SEMA5A: variants seen among roughly 807,000 people sequenced by gnomAD.
SEMA5A encodes the protein semaphorin-5A.
Under a neutral mutation model 135.5 loss-of-function variants are expected in SEMA5A, and 55 were observed. The ratio of observed to expected loss-of-function variants is 0.41; its 90% CI spans 0.33 to 0.51. The LOEUF (loss-of-function observed/expected upper bound fraction) is 0.51, where lower values mean the gene tolerates loss of function less well. SEMA5A is among the 20% of genes least tolerant of loss of function. SEMA5A has a pLI of 0.37. For missense variants in SEMA5A, 1,290 were observed against 1,419.9 expected (o/e 0.91, Z 1.47); for synonymous variants, 580 against 546.5 (o/e 1.06, Z -0.85).
Position 9,042,315 on chromosome 5 carries a change from T to C in SEMA5A, c.*582A>G, listed in dbSNP as rs1210274367. 1 of 153,856 alleles carries C rather than the reference T, an allele frequency of 6.5e-6. No homozygotes were observed. 9.5% of individuals were successfully genotyped at this position (153,856 alleles called of 1,614,324 possible). On this transcript the variant is annotated 3_prime_UTR_variant, in exon 23 of 23. Coordinates refer to ENST00000382496, the MANE Select transcript of SEMA5A (RefSeq NM_003966.3). ...CAGTCTACTGTAACTTCTGCCGGTG[T>C]GGACCAGGTGGAATTCCTGGGCTTC...
intron 1 of SEMA5A, among the ~76,000 whole-genome samples, chr5:9,465,813 T>C (rs1319678116): frequency 6.6e-6 from 1 of 152,170 alleles, no homozygotes; most frequent in East Asian, 1.9e-4. Context: ...GTTATTTCAT[T>C]ACTTTTTACT....
intron 16 of SEMA5A, among the ~76,000 whole-genome samples, chr5:9,080,809 T>C (rs1215208574): frequency 6.6e-6 from 1 of 152,162 alleles, no homozygotes; most frequent in Non-Finnish European, 1.5e-5. Context: ...AACGCAGCTC[T>C]GATCTGAGGG....
At chr5:9,108,428 G>T in intron 15 of SEMA5A, 141 bp from the exon 16 acceptor site, 1 of 894,670 alleles carries the variant, frequency 1.1e-6, no homozygotes, top group Non-Finnish European at 1.7e-6. Flanking sequence ...TTGAGCAGTT[G>T]CACCATACAG....
chr5:9,104,398 A>T (rs1260392120), intron 16 of SEMA5A, among the ~76,000 whole-genome samples: 2 of 152,206 alleles, frequency 1.3e-5, no homozygotes, highest in African/African-American at 4.8e-5. Flanking sequence ...GTTATAACTT[A>T]ATTTCAATAT....
At chr5:9,388,871 C>G (rs955207063) in intron 2 of SEMA5A, among the ~76,000 whole-genome samples, 1 of 148,898 alleles carries the variant, frequency 6.7e-6, no homozygotes, top group Non-Finnish European at 1.5e-5. Context: ...TGCACTCCAG[C>G]CTGGGTGACA....
chr5:9,272,940 A>G (rs1248586119), intron 5 of SEMA5A, among the ~76,000 whole-genome samples: 2 of 152,182 alleles, frequency 1.3e-5, no homozygotes, highest in Non-Finnish European at 2.9e-5. Context: ...TCCAAAAACC[A>G]GAATGCCTCT....
At chr5:9,185,973 A>C (rs1744786015) in intron 11 of SEMA5A, among the ~76,000 whole-genome samples, 1 of 152,176 alleles carries the variant, frequency 6.6e-6, no homozygotes, top group South Asian at 2.1e-4. Flanking sequence ...AGTGTTTCCA[A>C]GTCAAGTAAG....
rs530530316 is a variant in SEMA5A at position 9,203,982 on chromosome 5, G to A, written c.647-1742C>T. ...TAAAGAAAATACTGGGTGGTGGGTG[G>A]GGGGGTGTTAAGTCTGTGTTTACTG... On this transcript the variant is annotated intron_variant, in intron 8 of 22. Coordinates refer to ENST00000382496, the MANE Select transcript of SEMA5A (RefSeq NM_003966.3). 1.1e-4 allele frequency among the ~76,000 whole-genome samples: 16 copies of A among 152,092 alleles called. No homozygotes were observed. The East Asian group carries it at 2.7e-3, about 26-fold the overall frequency.
intron 1 of SEMA5A, among the ~76,000 whole-genome samples, chr5:9,443,779 C>T (rs1758326803): frequency 6.6e-6 from 1 of 152,258 alleles, no homozygotes; most frequent in African/African-American, 2.4e-5. Flanking sequence ...CCTGGCCATT[C>T]CCTTCCACTG....
At chr5:9,456,875 G>T (rs950504836) in intron 1 of SEMA5A, among the ~76,000 whole-genome samples, 1 of 152,132 alleles carries the variant, frequency 6.6e-6, no homozygotes, top group Non-Finnish European at 1.5e-5. Context: ...AAGTAGAACA[G>T]GATCAAACAG....
chr5:9,164,056 TATAA>T (rs1475601512), intron 11 of SEMA5A, among the ~76,000 whole-genome samples: 1 of 141,950 alleles, frequency 7.0e-6, no homozygotes, highest in South Asian at 2.1e-4. Flanking sequence ...ATATTTATAA[TATAA>T]ATATTTATAT....
At chr5:9,420,279 C>T (rs1561238558) in intron 2 of SEMA5A, among the ~76,000 whole-genome samples, 3 of 152,058 alleles carry the variant, frequency 2.0e-5, no homozygotes, top group African/African-American at 7.2e-5. Flanking sequence ...TGCAACACCC[C>T]TGGAATAAAA....
chr5:9,136,868 A>G (rs1047745878), intron 12 of SEMA5A, among the ~76,000 whole-genome samples: 6 of 152,362 alleles, frequency 3.9e-5, no homozygotes, highest in Non-Finnish European at 8.8e-5. Flanking sequence ...ACAGATGACT[A>G]AAGATGAGCC....
intron 6 of SEMA5A, 50 bp downstream of exon 6, chr5:9,237,778 A>T (rs773580339): frequency 3.4e-5 from 52 of 1,521,584 alleles, no homozygotes; most frequent in Non-Finnish European, 5.5e-6. Flanking sequence ...TATATAGTGT[A>T]GAGTCCTTCA....
chr5:9,539,711 G>A (rs561499245), intron 1 of SEMA5A, among the ~76,000 whole-genome samples: 9 of 152,200 alleles, frequency 5.9e-5, no homozygotes, highest in African/African-American at 1.7e-4. Context: ...GGGTCATGTC[G>A]GTGCTCAGAA....
At chr5:9,353,342 G>C (rs1754286247) in intron 3 of SEMA5A, among the ~76,000 whole-genome samples, 1 of 133,206 alleles carries the variant, frequency 7.5e-6, no homozygotes, top group African/African-American at 2.9e-5. Flanking sequence ...GGAAATGAAA[G>C]GAAAGGAAAG....
chr5:9,344,423 G>A (rs922234897), intron 3 of SEMA5A, among the ~76,000 whole-genome samples: 2 of 152,124 alleles, frequency 1.3e-5, no homozygotes, highest in African/African-American at 2.4e-5. Flanking sequence ...TAACATATAC[G>A]CATGGATTAA....
chr5:9,054,065 C>T (rs956986331), intron 19 of SEMA5A, 22 bp downstream of exon 19: 1 of 1,588,584 alleles, frequency 6.3e-7, no homozygotes. Flanking sequence ...GAAAGCTGTG[C>T]AGTAGGTGAG....
intron 11 of SEMA5A, among the ~76,000 whole-genome samples, chr5:9,171,083 A>G (rs1488022991): frequency 6.6e-6 from 1 of 152,246 alleles, no homozygotes; most frequent in Non-Finnish European, 1.5e-5. Flanking sequence ...GTGAAAAACT[A>G]GAATGATGGC....
Sources: allele counts gnomAD v4.1 joint callset (sites outside exome capture counted in the v4.1 genomes callset), GRCh38; gene constraint gnomAD v4.1.1; transcripts MANE v1.5; gene names NCBI Gene and HGNC (gene_info 2026-07-23, HGNC 2026-07-21).